Variants in TMEM41B observed in about 807,000 individuals in gnomAD.
TMEM41B encodes the protein protein stasimon.
TMEM41B carries 18 observed loss-of-function variants against 31.9 expected under a neutral mutation model. The observed-to-expected ratio is 0.56, with a 90% CI of 0.39 to 0.84. TMEM41B has a LOEUF of 0.84. Among genes scored for constraint, TMEM41B ranks in the 40% least tolerant of loss-of-function variants. The pLI is 0.00. For synonymous variants in TMEM41B, 144 were observed against 124.3 expected (o/e 1.16, Z -1.05); for missense variants, 322 against 348.0 (o/e 0.93, Z 0.59).
chr11:9,288,455 A>G lies in TMEM41B; in HGVS notation c.449T>C (p.Phe150Ser). The change falls in exon 4 of 7, where the codon TTT (phenylalanine) becomes TCT (serine). Residue 150 changes from phenylalanine to serine, a missense_variant. By Grantham distance (155) the Phe-to-Ser change is radical. This residue lies in a region of TMEM41B where 47 missense variants were observed against 84.8 expected (regional missense o/e 0.55). Transcript: ENST00000528080. Reference sequence around the variant, plus strand: ...TTTCATACTTACCAAACAAACAAGAAATAAGGCTAGTGGAAAGGGATAAAG... The same window carrying G: ...TTTCATACTTACCAAACAAACAAGAGATAAGGCTAGTGGAAAGGGATAAAG... ...GFLYPFPLAL[F>S]LVCLCSGLGA... 6.3e-7 allele frequency: 1 copy of G among 1,583,430 alleles called. No homozygotes were observed. Among genetic ancestry groups the G allele is most frequent in the Non-Finnish European group, 8.5e-7 (1 of 1,169,626 alleles).
rs778116325 is a variant in TMEM41B, at chr11:9,283,585, G to C, written c.715C>G (p.Pro239Ala). The change falls in exon 7 of 7, where the codon CCT (proline) becomes GCT (alanine). Residue 239 changes from proline (P) to alanine (A), a missense_variant. Pro to Ala is a conservative substitution (Grantham distance 27, BLOSUM62 -1). Transcript: ENST00000528080. Reference protein sequence around the residue: ...FFIGTFLGVAPPSFVAIKAGT... With the variant: ...FFIGTFLGVAAPSFVAIKAGT... ...GCCTTAATGGCTACAAAAGAAGGAG[G>C]TGCGACACCTGAAATAAAATATAAA... The C allele has an allele frequency of 1.8e-5, 29 of 1,598,656 alleles. No individual in the cohort carries two copies. Among genetic ancestry groups the C allele is most frequent in the Admixed American group, 7.2e-5 (4 of 55,392 alleles).
rs1243556666 is a variant in TMEM41B at position 9,302,155 on chromosome 11, T to A, written c.122-2454A>T. On this transcript the variant is annotated intron_variant, in intron 1 of 6. Transcript: ENST00000528080. ...CCGAGTAGCTAGAACTACAGACACC[T>A]GCCACGATGCCCGGCTAATTTTTTT... 2.4e-5 allele frequency among the ~76,000 whole-genome samples: 2 copies of A among 84,416 alleles called. 1 individual carries two copies. Among genetic ancestry groups the A allele is most frequent in the African/African-American group, 8.8e-5 (2 of 22,760 alleles). The allele number at this position is 84,416 out of a possible 152,430, so 55.4% of individuals were successfully genotyped here. A position where few individuals can be genotyped will look rare whatever the true frequency, so the allele number is the denominator to read the frequency against.
intron 1 of TMEM41B, among the ~76,000 whole-genome samples, chr11:9,312,033 G>T (rs1003653583): frequency 1.3e-5 from 2 of 152,130 alleles, no homozygotes; most frequent in African/African-American, 4.8e-5. Context: ...AAGTATCATG[G>T]AATTTACAGG....
At chr11:9,313,389 A>G (rs527641071) in intron 1 of TMEM41B, among the ~76,000 whole-genome samples, 1 of 152,360 alleles carries the variant, frequency 6.6e-6, no homozygotes, top group African/African-American at 2.4e-5. Flanking sequence ...GTGGTGGAAC[A>G]CACCTATGTG....
chr11:9,286,170 T>C (rs980121522), intron 6 of TMEM41B, among the ~76,000 whole-genome samples: 2 of 131,616 alleles, frequency 1.5e-5, no homozygotes, highest in African/African-American at 5.7e-5. Context: ...TTTGATTTTT[T>C]TTCCTCTCCA....
chr11:9,303,872 T>C (rs1853317225), intron 1 of TMEM41B, among the ~76,000 whole-genome samples: 1 of 152,166 alleles, frequency 6.6e-6, no homozygotes, highest in Admixed American at 6.6e-5. Context: ...TTCACATTGT[T>C]GGCCAGGCTG....
chr11:9,299,876 T>G (rs1349727710), intron 1 of TMEM41B, among the ~76,000 whole-genome samples, 175 bp from the exon 2 acceptor site: 1 of 152,138 alleles, frequency 6.6e-6, no homozygotes, highest in African/African-American at 2.4e-5. Flanking sequence ...TCCCAGCACT[T>G]TGGGAAGCCG....
chr11:9,292,485 A>G (rs912269760), intron 3 of TMEM41B, among the ~76,000 whole-genome samples: 3 of 152,140 alleles, frequency 2.0e-5, no homozygotes, highest in African/African-American at 7.2e-5. Flanking sequence ...ATATTTAAAT[A>G]TTTTACAACA....
chr11:9,311,271 G>C (rs1164957702), intron 1 of TMEM41B: 51 of 1,506,808 alleles, frequency 3.4e-5, no homozygotes, highest in Non-Finnish European at 4.5e-5. Flanking sequence ...AGGACCCAGG[G>C]CCTGTATTCA....
intron 2 of TMEM41B, among the ~76,000 whole-genome samples, chr11:9,298,178 G>A (rs1590380542): frequency 6.6e-6 from 1 of 151,954 alleles, no homozygotes. Flanking sequence ...AAGACTCTAG[G>A]CTGGGCACAG....
chr11:9,284,746 G>C (rs201589099), intron 6 of TMEM41B, among the ~76,000 whole-genome samples: 2 of 144,220 alleles, frequency 1.4e-5, no homozygotes, highest in African/African-American at 5.1e-5. Context: ...CTGGGCGACA[G>C]AGAGAGAATC....
chr11:9,286,677 C>A (rs1590371240), intron 5 of TMEM41B, 84 bp from the exon 6 acceptor site: 1 of 1,363,618 alleles, frequency 7.3e-7, no homozygotes, highest in East Asian at 2.4e-5. Context: ...ATTTCAAATT[C>A]TCATTCCTGA....
Position 9,305,979 on chromosome 11 carries a change from C to CTT in TMEM41B, c.122-6280_122-6279dup, listed in dbSNP as rs746744551. ...TACAGCTACTTACACCAGCACTTTT[C>CTT]TTTTTTTTTTTTTTTTTGAGACAGA... On this transcript the variant is annotated intron_variant, in intron 1 of 6. Coordinates refer to ENST00000528080, the MANE Select transcript of TMEM41B (RefSeq NM_015012.4). Among the ~76,000 whole-genome samples, 33 of 117,982 alleles carry CTT rather than the reference C, an allele frequency of 2.8e-4. 1 individual carries two copies. The highest frequency in any genetic ancestry group is 4.4e-4 in the African/African-American group (14 of 31,516). 77.4% of individuals were successfully genotyped at this position (117,982 alleles called of 152,430 possible).
intron 1 of TMEM41B, among the ~76,000 whole-genome samples, chr11:9,313,075 G>C (rs574171308): frequency 6.6e-6 from 1 of 152,226 alleles, no homozygotes; most frequent in East Asian, 1.9e-4. Flanking sequence ...TCAATTTTTA[G>C]GGATGCCCTA....
At chr11:9,311,956 TATG>T (rs1230131432) in intron 1 of TMEM41B, among the ~76,000 whole-genome samples, 8 of 152,150 alleles carry the variant, frequency 5.3e-5, no homozygotes, top group Non-Finnish European at 1.0e-4. Context: ...CAAACATACA[TATG>T]ATGATAACTA....
At chr11:9,292,096 G>A (rs1852973335) in intron 3 of TMEM41B, among the ~76,000 whole-genome samples, 1 of 152,200 alleles carries the variant, frequency 6.6e-6, no homozygotes, top group Non-Finnish European at 1.5e-5. Flanking sequence ...AGTCTGATCA[G>A]AATCTAGAAG....
At chr11:9,293,543 T>C (rs1853006797) in intron 3 of TMEM41B, among the ~76,000 whole-genome samples, 1 of 152,202 alleles carries the variant, frequency 6.6e-6, no homozygotes, top group Non-Finnish European at 1.5e-5. Flanking sequence ...TGTGAGTTAA[T>C]ACCTCAACAA....
At chr11:9,292,795 G>A (rs1852988218) in intron 3 of TMEM41B, among the ~76,000 whole-genome samples, 1 of 151,952 alleles carries the variant, frequency 6.6e-6, no homozygotes, top group Non-Finnish European at 1.5e-5. Context: ...CACCACACCC[G>A]GCCCTGATAA....
chr11:9,307,464 G>A (rs569805923), intron 1 of TMEM41B, among the ~76,000 whole-genome samples: 23 of 144,758 alleles, frequency 1.6e-4, no homozygotes, highest in Non-Finnish European at 3.3e-4. Context: ...TTTTTTTTGA[G>A]ATCGAGTTTC....
Sources: gnomAD v4.1 joint callset for allele counts (sites outside exome capture counted in the v4.1 genomes callset) on GRCh38, gnomAD v4.1.1 for gene constraint, gnomAD v4.1.1 regional missense constraint, MANE v1.5 for transcripts, NCBI Gene and HGNC (gene_info 2026-07-23, HGNC 2026-07-21) for gene names.